Variants in FOXK1 observed in about 807,000 individuals in gnomAD.
The protein encoded by FOXK1 is forkhead box K1.
A neutral mutation model predicts 51.9 loss-of-function variants in FOXK1; 19 were observed. The ratio of observed to expected loss-of-function variants is 0.37; its 90% CI spans 0.26 to 0.54. The LOEUF (loss-of-function observed/expected upper bound fraction) is 0.54. Ranked by LOEUF, FOXK1 falls within the 20% of genes least tolerant of loss-of-function variation. The pLI, the probability that FOXK1 is intolerant of heterozygous loss-of-function variation, is 0.87. For missense variants in FOXK1, 870 were observed against 1,032.7 expected, an observed-to-expected ratio of 0.84 and a Z score of 2.16; for synonymous variants, 537 against 482.6, an observed-to-expected ratio of 1.11 and a Z score of -1.48.
rs375434044 is a variant in FOXK1 at position 4,755,406 on chromosome 7, G to A, written c.1050+23G>A. The A allele has an allele frequency of 8.5e-5, 137 of 1,612,060 alleles. No homozygotes were observed. In the African/African-American group the frequency reaches 1.1e-3, roughly 12 times the overall value. On this transcript the variant is annotated intron_variant, in intron 4 of 8. Transcript: ENST00000328914. This position sits in a 1 kb window ranked among gnomAD's most constrained non-coding sequence, Gnocchi z 6.6. ...CAGGTGAAGCCGAGTCCCCAGGGCC[G>A]GATCGCCTCTGAAGGCCCTTAGAAC...
chr7:4,761,155 C>A lies in FOXK1; in HGVS notation c.1788C>A (p.Val596=), dbSNP rs762904756. 1.2e-6 allele frequency: 2 copies of A among 1,612,794 alleles called. No homozygotes were observed. Among genetic ancestry groups the A allele is most frequent in the South Asian group, 1.1e-5 (1 of 91,078 alleles). ...TGGCCAGCCAGATGGCCCCCGGGGT[C>A]CCCGGACACACGGTCACCATCCTGC... ...QTVASQMAPG[V]PGHTVTILQP... is the part of the protein sequence containing the mutation. Residue 596 remains valine (V), a synonymous_variant, in exon 8 of 9, where the codon GTC becomes GTA. Transcript: ENST00000328914. The surrounding 1 kb of genome is among the most constrained non-coding windows in gnomAD (Gnocchi z 6.2).
At position 4,709,475 on chromosome 7, in the gene FOXK1, G is replaced by A. The variant is rs1358691676; in HGVS notation, c.560+26607G>A. On this transcript the variant is annotated intron_variant, in intron 1 of 8. Coordinates refer to ENST00000328914, the MANE Select transcript of FOXK1 (RefSeq NM_001037165.2). This position sits in a 1 kb window ranked among gnomAD's most constrained non-coding sequence, Gnocchi z 5.6. Reference sequence around the variant, plus strand: ...CGATGTCTCCGAGCAGATCGAGGCTGGCCCACCCCTGCTGGCCCGCGACCC... The same window carrying A: ...CGATGTCTCCGAGCAGATCGAGGCTAGCCCACCCCTGCTGGCCCGCGACCC... 6.6e-6 allele frequency among the ~76,000 whole-genome samples: 1 copy of A among 152,130 alleles called. No homozygotes were observed. The highest frequency in any genetic ancestry group is 1.5e-5 in the Non-Finnish European group (1 of 68,030).
Position 4,743,240 on chromosome 7 carries a change from A to C in FOXK1, c.746+2217A>C, listed in dbSNP as rs1370538015. The stretch of plus-strand genomic sequence containing the variant: ...TGGTGATGGTTATTCAATTTTGTGA[A>C]TATCCTAAAAGTCACTTTAAAGAGT... On this transcript the variant is annotated intron_variant, in intron 2 of 8. Coordinates refer to ENST00000328914, the MANE Select transcript of FOXK1 (RefSeq NM_001037165.2). This position sits in a 1 kb window ranked among gnomAD's most constrained non-coding sequence, Gnocchi z 5.3. Among the ~76,000 whole-genome samples the C allele has an allele frequency of 6.6e-6, 1 of 152,192 alleles. No individual in the cohort carries two copies. The highest frequency in any genetic ancestry group is 1.5e-5 in the Non-Finnish European group (1 of 68,038).
intron 1 of FOXK1, among the ~76,000 whole-genome samples, chr7:4,724,978 G>A (rs930941334): frequency 2.0e-5 from 3 of 152,232 alleles, no homozygotes; most frequent in Non-Finnish European, 2.9e-5. Context: ...GGGACAGGGA[G>A]AGGAGAAGTG....
Position 4,771,441 on chromosome 7 carries a change from G to T in FOXK1, c.*8977G>T, listed in dbSNP as rs1781100242. On this transcript the variant is annotated 3_prime_UTR_variant, in exon 9 of 9. Transcript: ENST00000328914. ...AAATAAAATTCTATATTAAAGAAAT[G>T]ACCCTGCGGCTCCGGTGTGGTCCTT... is the stretch of plus-strand genomic sequence containing the variant. 6.6e-6 allele frequency: 1 copy of T among 152,036 alleles called. No individual in the cohort carries two copies. The highest frequency in any genetic ancestry group is 1.5e-5 in the Non-Finnish European group (1 of 67,994). The allele number at this position is 152,036 out of a possible 1,614,324, so 9.4% of individuals were successfully genotyped here.
intron 2 of FOXK1, among the ~76,000 whole-genome samples, chr7:4,751,671 G>C (rs1176964713): frequency 6.6e-6 from 1 of 152,228 alleles, no homozygotes; most frequent in Non-Finnish European, 1.5e-5. Flanking sequence ...GGCTTATTGA[G>C]AGACGGGCTG....
In FOXK1 at chr7:4,770,912, T is replaced by C. The variant is rs1441760964; in HGVS notation, c.*8448T>C. On this transcript the variant is annotated 3_prime_UTR_variant, in exon 9 of 9. Coordinates refer to ENST00000328914, the MANE Select transcript of FOXK1 (RefSeq NM_001037165.2). ...GTGTGTGTGTGTGTGTATTTTTTTT[T>C]TTACAGTGGCGCCTGTCTAAAGTAT... The C allele has an allele frequency of 2.0e-5, 3 of 150,770 alleles. No homozygotes were observed. The highest frequency in any genetic ancestry group is 1.9e-4 in the East Asian group (1 of 5,184). 9.3% of individuals were successfully genotyped at this position (150,770 alleles called of 1,614,324 possible).
At chr7:4,717,497 C>T (rs112760058) in intron 1 of FOXK1, among the ~76,000 whole-genome samples, 4,887 of 109,968 alleles carry the variant, frequency 0.044, 283 homozygotes, top group African/African-American at 0.19. Flanking sequence ...GGCTGGGAGG[C>T]GTATGGCTGG....
At chr7:4,700,361 G>A (rs1346300985) in intron 1 of FOXK1, among the ~76,000 whole-genome samples, 1 of 152,226 alleles carries the variant, frequency 6.6e-6, no homozygotes, top group Admixed American at 6.5e-5. Flanking sequence ...GTGATCAGAA[G>A]TTCCATTAGC....
At chr7:4,737,023 C>G (rs939455606) in intron 1 of FOXK1, among the ~76,000 whole-genome samples, 3 of 152,208 alleles carry the variant, frequency 2.0e-5, no homozygotes, top group African/African-American at 7.2e-5. Flanking sequence ...AGGTGCCAGT[C>G]CAGAGGGGGA....
rs748874603 is a variant in FOXK1, at chr7:4,741,001, C to G, written c.724C>G (p.Pro242Ala). The change falls in exon 2 of 9, where the codon CCC (proline) becomes GCC (alanine). Residue 242 changes from proline (P) to alanine (A), a missense_variant. Coordinates refer to ENST00000328914, the MANE Select transcript of FOXK1 (RefSeq NM_001037165.2). ...PDLRSMVSPV[P>A]SPTGTISVPN... ...CCTCCGGAGCATGGTCAGCCCCGTC[C>G]CCTCCCCGACGGGCACCATCAGGTG... is the stretch of plus-strand genomic sequence containing the variant. 6.5e-6 allele frequency: 10 copies of G among 1,531,154 alleles called. No individual in the cohort carries two copies. Among genetic ancestry groups the G allele is most frequent in the Non-Finnish European group, 8.7e-6 (10 of 1,147,694 alleles). The allele number at this position is 1,531,154 out of a possible 1,614,324, so 94.8% of individuals were successfully genotyped here.
chr7:4,761,869 G>A lies in FOXK1; in HGVS notation c.1922-315G>A, dbSNP rs1316450996. ...GGTGCAGGGTACCAGGGCACCGGGC[G>A]CATTGTCAGTGGGGTGGCTCAGGGC... On this transcript the variant is annotated intron_variant, in intron 8 of 8. Coordinates refer to ENST00000328914, the MANE Select transcript of FOXK1 (RefSeq NM_001037165.2). The surrounding 1 kb of genome is among the most constrained non-coding windows in gnomAD (Gnocchi z 6.2). 6.6e-5 allele frequency among the ~76,000 whole-genome samples: 10 copies of A among 151,962 alleles called. No homozygotes were observed. The highest frequency in any genetic ancestry group is 1.3e-4 in the Admixed American group (2 of 15,266).
chr7:4,754,624 C>G lies in FOXK1; in HGVS notation c.903+9C>G, dbSNP rs1311101721. The G allele has an allele frequency of 3.1e-6, 5 of 1,599,814 alleles. No individual in the cohort carries two copies. The African/African-American group carries it at 5.3e-5, about 17-fold the overall frequency. ...GAGGAGACAGCCCCAAGGTCTGAGC[C>G]CACCTGGCGCCGTGGTGCACCTGGT... On this transcript the variant is annotated intron_variant, in intron 3 of 8. Transcript: ENST00000328914.
chr7:4,694,780 T>A (rs1779932527), intron 1 of FOXK1, among the ~76,000 whole-genome samples: 1 of 152,150 alleles, frequency 6.6e-6, no homozygotes, highest in African/African-American at 2.4e-5. Flanking sequence ...AGGGCGCCTG[T>A]CAGCAGAGAC....
intron 1 of FOXK1, among the ~76,000 whole-genome samples, chr7:4,688,013 T>C (rs1344890231): frequency 6.6e-6 from 1 of 152,216 alleles, no homozygotes; most frequent in Non-Finnish European, 1.5e-5. Flanking sequence ...ATTACAGGCA[T>C]GAGCCACCAT....
At chr7:4,706,856 C>G (rs1780108543) in intron 1 of FOXK1, among the ~76,000 whole-genome samples, 1 of 152,056 alleles carries the variant, frequency 6.6e-6, no homozygotes. Context: ...CCCCAATGCC[C>G]CTGTAGCCTG....
rs1645031661 is a variant in FOXK1 at position 4,711,144 on chromosome 7, C to G, written c.560+28276C>G. Among the ~76,000 whole-genome samples, 1 of 152,078 alleles carries G rather than the reference C, an allele frequency of 6.6e-6. No individual in the cohort carries two copies. The highest frequency in any genetic ancestry group is 2.4e-5 in the African/African-American group (1 of 41,368). On this transcript the variant is annotated intron_variant, in intron 1 of 8. Coordinates refer to ENST00000328914, the MANE Select transcript of FOXK1 (RefSeq NM_001037165.2). The surrounding 1 kb of genome is among the most constrained non-coding windows in gnomAD (Gnocchi z 6.3). ...TACTTAGTCTCTCTGACTTCTTCTA[C>G]TCAAGCATGATGTCCGTTCCTGATG...
In FOXK1 at chr7:4,703,781, G is replaced by A. The variant is rs990018391; in HGVS notation, c.560+20913G>A. 3.9e-5 allele frequency among the ~76,000 whole-genome samples: 6 copies of A among 152,122 alleles called. No homozygotes were observed. The highest frequency in any genetic ancestry group is 1.3e-4 in the Admixed American group (2 of 15,264). On this transcript the variant is annotated intron_variant, in intron 1 of 8. Coordinates refer to ENST00000328914, the MANE Select transcript of FOXK1 (RefSeq NM_001037165.2). The surrounding 1 kb of genome is among the most constrained non-coding windows in gnomAD (Gnocchi z 5.6). ...AGAGCATCGTGACTAGATAAAAGTA[G>A]GTGAAAAGGGAATCGCAGCCTGCCG... is the stretch of plus-strand genomic sequence containing the variant.
At chr7:4,741,066 G>A in intron 2 of FOXK1, 43 bp downstream of exon 2, 1 of 1,388,384 alleles carries the variant, frequency 7.2e-7, no homozygotes, top group Non-Finnish European at 9.6e-7. Context: ...CAGGAGAGAG[G>A]GGGATGATGC....
Sources: gnomAD v4.1 joint callset for allele counts (sites outside exome capture counted in the v4.1 genomes callset) on GRCh38, gnomAD v4.1.1 for gene constraint, Gnocchi (gnomAD v3.1) non-coding constraint, MANE v1.5 for transcripts, NCBI Gene and HGNC (gene_info 2026-07-23, HGNC 2026-07-21) for gene names.